HTR2C: variants seen among roughly 807,000 people sequenced by gnomAD.
HTR2C encodes 5-hydroxytryptamine (serotonin) receptor 2C, G protein-coupled.
In HTR2C, 5 loss-of-function variants were observed where a neutral mutation model predicts 21.0. The observed-to-expected ratio is 0.24, with a 90% confidence interval of 0.12 to 0.50. The LOEUF is 0.50. Among genes scored for constraint, HTR2C ranks in the 20% least tolerant of loss-of-function variants. The pLI is 0.98. For missense variants in HTR2C, 271 were observed against 371.2 expected, an observed-to-expected ratio of 0.73 and a Z score of 2.22; for synonymous variants, 150 against 145.3, an observed-to-expected ratio of 1.03 and a Z score of -0.23.
At chrX:114,633,817 A>G (rs782076345) in intron 2 of HTR2C, among the ~76,000 whole-genome samples, 10 of 107,956 alleles carry the variant, frequency 9.3e-5, no homozygotes, top group African/African-American at 1.7e-4. Context: ...ACACATATAT[A>G]TGTGTGTGTG....
chrX:114,827,834 G>T (rs1163601426), intron 4 of HTR2C, among the ~76,000 whole-genome samples: 5 of 110,766 alleles, frequency 4.5e-5, no homozygotes, highest in Non-Finnish European at 5.7e-5. Flanking sequence ...TGGTTTTCAT[G>T]GTTTCTGATG....
intron 4 of HTR2C, among the ~76,000 whole-genome samples, chrX:114,758,607 T>C (rs1037965000): frequency 2.7e-5 from 3 of 111,470 alleles, no homozygotes; most frequent in East Asian, 5.6e-4. Context: ...TTCAAAAATA[T>C]ATGGTTTTTT....
At chrX:114,819,699 T>G (rs2070614994) in intron 4 of HTR2C, among the ~76,000 whole-genome samples, 1 of 112,605 alleles carries the variant, frequency 8.9e-6, no homozygotes, top group Non-Finnish European at 1.9e-5. Flanking sequence ...AGAAAGCTAA[T>G]GAAATCAGTC....
intron 4 of HTR2C, among the ~76,000 whole-genome samples, chrX:114,754,521 C>A (rs1556429226): frequency 1.8e-5 from 2 of 111,113 alleles, no homozygotes; most frequent in African/African-American, 6.5e-5. Context: ...TGATTTTTGA[C>A]AAAGGTGCAA....
intron 4 of HTR2C, among the ~76,000 whole-genome samples, chrX:114,804,429 T>C (rs868991978): frequency 8.9e-6 from 1 of 111,873 alleles, no homozygotes; most frequent in Non-Finnish European, 1.9e-5. Context: ...ATGCTAAAAT[T>C]GCATATGATT....
At chrX:114,904,243 T>C (rs1341637797) in intron 5 of HTR2C, among the ~76,000 whole-genome samples, 1 of 111,707 alleles carries the variant, frequency 9.0e-6, no homozygotes, top group Non-Finnish European at 1.9e-5. Context: ...TTCTGTTTCA[T>C]AGTTGACTTT....
At chrX:114,785,699 G>C (rs2070168278) in intron 4 of HTR2C, among the ~76,000 whole-genome samples, 1 of 112,051 alleles carries the variant, frequency 8.9e-6, no homozygotes, top group Admixed American at 9.5e-5. Flanking sequence ...TGATATAGGA[G>C]AATATTTACA....
At chrX:114,741,329 G>A (rs2147355906) in intron 4 of HTR2C, among the ~76,000 whole-genome samples, 1 of 105,121 alleles carries the variant, frequency 9.5e-6, no homozygotes, top group South Asian at 4.5e-4. Context: ...GACCAGCCAG[G>A]CCAATATGGT....
intron 5 of HTR2C, among the ~76,000 whole-genome samples, chrX:114,872,524 A>G (rs1356288781): frequency 2.7e-5 from 3 of 109,749 alleles, no homozygotes; most frequent in African/African-American, 6.6e-5. Flanking sequence ...TTTTCTCAAA[A>G]TATTTCAAAA....
At chrX:114,797,839 G>A (rs1426675460) in intron 4 of HTR2C, among the ~76,000 whole-genome samples, 1 of 111,806 alleles carries the variant, frequency 8.9e-6, no homozygotes, top group African/African-American at 3.2e-5. Context: ...GGGATTTGAG[G>A]ACTGAACGAT....
chrX:114,834,751 A>G (rs1346672130), intron 4 of HTR2C, among the ~76,000 whole-genome samples: 1 of 105,287 alleles, frequency 9.5e-6, no homozygotes, highest in African/African-American at 3.5e-5. Flanking sequence ...TGTCATTATG[A>G]TGTTAGCTGG....
In HTR2C at chrX:114,591,094, T is replaced by TA. The variant is rs1927611005; in HGVS notation, c.-147+6436dup. On this transcript the variant is annotated intron_variant, in intron 1 of 5. Transcript: ENST00000276198. ...ACGTCATGAATCTATTAGTTTTTTT[T>TA]ATCTTAATTAAACAGTTAATTTAAT... Among the ~76,000 whole-genome samples the TA allele has an allele frequency of 5.4e-5, 6 of 111,874 alleles. No homozygotes were observed. The South Asian group carries it at 1.9e-3, about 35-fold the overall frequency.
chrX:114,609,481 A>G (rs1928627290), intron 1 of HTR2C, among the ~76,000 whole-genome samples: 3 of 111,117 alleles, frequency 2.7e-5, no homozygotes, highest in African/African-American at 6.5e-5. Context: ...GATTTCTCCT[A>G]TGGTTTTTTT....
chrX:114,834,615 G>T (rs1469094318), intron 4 of HTR2C, among the ~76,000 whole-genome samples: 1 of 104,532 alleles, frequency 9.6e-6, no homozygotes, highest in Non-Finnish European at 2.0e-5. Flanking sequence ...ACGTGAGATG[G>T]GTTTCCTGAA....
At chrX:114,739,328 A>C (rs2069622138) in intron 4 of HTR2C, among the ~76,000 whole-genome samples, 1 of 111,816 alleles carries the variant, frequency 8.9e-6, no homozygotes, top group African/African-American at 3.2e-5. Context: ...TAGAGTTATA[A>C]AAACTGAACA....
At chrX:114,878,532 T>C (rs2071156527) in intron 5 of HTR2C, among the ~76,000 whole-genome samples, 1 of 110,996 alleles carries the variant, frequency 9.0e-6, no homozygotes, top group Non-Finnish European at 1.9e-5. Context: ...TTTTGACTTT[T>C]ATTTAATTCC....
intron 2 of HTR2C, among the ~76,000 whole-genome samples, chrX:114,700,428 G>T (rs1932426796): frequency 9.0e-6 from 1 of 111,618 alleles, no homozygotes; most frequent in Non-Finnish European, 1.9e-5. Flanking sequence ...GATGGGATCT[G>T]AATCAATATA....
At chrX:114,794,787 T>A (rs1428090429) in intron 4 of HTR2C, among the ~76,000 whole-genome samples, 1 of 109,372 alleles carries the variant, frequency 9.1e-6, no homozygotes, top group Non-Finnish European at 1.9e-5. Context: ...TGTTGGACAT[T>A]TAGGTTGGTT....
chrX:114,791,695 A>T (rs1323989045), intron 4 of HTR2C, among the ~76,000 whole-genome samples: 2 of 111,434 alleles, frequency 1.8e-5, no homozygotes, highest in Non-Finnish European at 3.8e-5. Context: ...TTACAGTGAT[A>T]AACAAAAAGC....
Sources: gnomAD v4.1 joint callset for allele counts (sites outside exome capture counted in the v4.1 genomes callset) on GRCh38, gnomAD v4.1.1 for gene constraint, MANE v1.5 for transcripts, NCBI Gene and HGNC (gene_info 2026-07-23, HGNC 2026-07-21) for gene names.